Variants in ATP9B observed in about 807,000 individuals in gnomAD.
ATP9B encodes probable phospholipid-transporting ATPase IIB.
Under a neutral mutation model 146.1 loss-of-function variants are expected in ATP9B, and 110 were observed. The observed-to-expected ratio is 0.75, with a 90% CI of 0.65 to 0.88. ATP9B has a LOEUF of 0.88. Among genes scored for constraint, ATP9B ranks in the 40% least tolerant of loss-of-function variants. The pLI is 0.00. For synonymous variants in ATP9B, 604 were observed against 569.7 expected (o/e 1.06, Z -0.86); for missense variants, 1,499 against 1,496.4 (o/e 1.00, Z -0.03).
intron 8 of ATP9B, among the ~76,000 whole-genome samples, chr18:79,190,824 G>A (rs1364121536): frequency 1.3e-5 from 2 of 152,128 alleles, no homozygotes; most frequent in Non-Finnish European, 2.9e-5. Flanking sequence ...GGGATTACAG[G>A]CATGAGCCAC....
At chr18:79,071,045 G>GT (rs1434746480) in intron 1 of ATP9B, among the ~76,000 whole-genome samples, 1 of 76,650 alleles carries the variant, frequency 1.3e-5, no homozygotes, top group Admixed American at 1.1e-4. Context: ...TCTGATTCCT[G>GT]TTTCTTTTTT....
chr18:79,128,427 T>A (rs891545873), intron 5 of ATP9B, among the ~76,000 whole-genome samples: 1 of 152,236 alleles, frequency 6.6e-6, no homozygotes, highest in African/African-American at 2.4e-5. Context: ...CATATTCTTT[T>A]GTATGAATAT....
intron 28 of ATP9B, among the ~76,000 whole-genome samples, chr18:79,374,854 C>T (rs1013068991): frequency 6.6e-6 from 1 of 152,204 alleles, no homozygotes; most frequent in African/African-American, 2.4e-5. Flanking sequence ...TGAATTAACA[C>T]ACTCAAGGAC....
chr18:79,180,255 A>G lies in ATP9B; in HGVS notation c.873+3348A>G, dbSNP rs938979367. Among the ~76,000 whole-genome samples, 35 of 152,078 alleles carry G rather than the reference A, an allele frequency of 2.3e-4. 1 individual carries two copies. Among genetic ancestry groups the G allele is most frequent in the African/African-American group, 8.0e-4 (33 of 41,410 alleles). Reference sequence around the variant, plus strand: ...TTTACAGTAATCGTTAATGTGGTTGAGCGGAAGTCAGTCATTTGACTCTGT... The same window carrying G: ...TTTACAGTAATCGTTAATGTGGTTGGGCGGAAGTCAGTCATTTGACTCTGT... On this transcript the variant is annotated intron_variant, in intron 8 of 29. Transcript: ENST00000426216.
At chr18:79,103,547 T>C (rs765810586) in intron 2 of ATP9B, among the ~76,000 whole-genome samples, 23 of 152,138 alleles carry the variant, frequency 1.5e-4, no homozygotes, top group Admixed American at 9.2e-4. Flanking sequence ...CCATCCTCTT[T>C]GGCATGAGGA....
At position 79,359,380 on chromosome 18, in the gene ATP9B, C is replaced by A; in HGVS notation, c.2930C>A (p.Pro977Gln). 1 of 1,613,900 alleles carries A rather than the reference C, an allele frequency of 6.2e-7. No homozygotes were observed. The highest frequency in any genetic ancestry group is 1.1e-5 in the South Asian group (1 of 91,082). Residue 977 changes from proline (P) to glutamine (Q), a missense_variant, in exon 26 of 30, where the codon CCA (proline) becomes CAA (glutamine). Physicochemically the swap from Pro to Gln is moderately conservative, Grantham distance 76. Transcript: ENST00000426216. ...TATGCCACCATATACACCATGTTCC[C>A]AGTGTTCTCCTTAGTGCTGGACCAG... is the stretch of plus-strand genomic sequence containing the variant. The part of the protein sequence containing the change: ...VGYATIYTMF[P>Q]VFSLVLDQDV...
intron 3 of ATP9B, among the ~76,000 whole-genome samples, chr18:79,111,006 A>G (rs2075971746): frequency 6.6e-6 from 1 of 152,186 alleles, no homozygotes; most frequent in Non-Finnish European, 1.5e-5. Context: ...TCACATTATA[A>G]ATCTCAGACC....
intron 5 of ATP9B, among the ~76,000 whole-genome samples, chr18:79,130,037 C>T (rs1219874413): frequency 8.5e-5 from 13 of 152,048 alleles, no homozygotes; most frequent in African/African-American, 1.4e-4. Context: ...CCACTGCACC[C>T]GGCGTATGTC....
intron 13 of ATP9B, among the ~76,000 whole-genome samples, chr18:79,279,126 G>C (rs1253942719): frequency 6.6e-6 from 1 of 152,192 alleles, no homozygotes; most frequent in African/African-American, 2.4e-5. Context: ...GTGAGAGCAG[G>C]TGACCACCAG....
intron 13 of ATP9B, among the ~76,000 whole-genome samples, 191 bp from the exon 14 acceptor site, chr18:79,303,413 A>C (rs7233974): frequency 0.019 from 2,896 of 151,884 alleles, 103 homozygotes; most frequent in African/African-American, 0.065. Context: ...TGCTAGGGAG[A>C]AAATATCTTG....
At chr18:79,328,998 C>T (rs1263523903) in intron 15 of ATP9B, 143 bp from the exon 16 acceptor site, 5 of 750,102 alleles carry the variant, frequency 6.7e-6, no homozygotes, top group South Asian at 3.1e-5. Context: ...TATACTTAGC[C>T]GTGAAAACAA....
chr18:79,347,442 G>A (rs1415301660), intron 23 of ATP9B, among the ~76,000 whole-genome samples: 3 of 151,948 alleles, frequency 2.0e-5, no homozygotes, highest in Non-Finnish European at 4.4e-5. Flanking sequence ...TCTTCCGACA[G>A]GGCGGGCCCA....
chr18:79,286,691 TG>T lies in ATP9B; in HGVS notation c.1411+9496del, dbSNP rs557834218. 6.3e-3 allele frequency among the ~76,000 whole-genome samples: 961 copies of T among 152,140 alleles called. 3 individuals carry two copies. Among genetic ancestry groups the T allele is most frequent in the African/African-American group, 0.022 (896 of 41,496 alleles). On this transcript the variant is annotated intron_variant, in intron 13 of 29. Transcript: ENST00000426216. ...GTGGTGAGAGAGGGCATCCCTGTCT[TG>T]TGCCAGTTTTCAAAGGGAATGCTTC... is the stretch of plus-strand genomic sequence containing the variant.
Position 79,206,936 on chromosome 18 carries a change from G to A in ATP9B, c.955-1G>A. ...TGTTTTCTTTTTGTCTCCCTGCACA[G>A]GAAGACAGTGACCCGCCCATTCATG... On this transcript the variant is annotated splice_acceptor_variant, in intron 9 of 29. Transcript: ENST00000426216. LOFTEE classifies it high-confidence loss of function. The A allele has an allele frequency of 6.2e-7, 1 of 1,613,836 alleles. No homozygotes were observed. The highest frequency in any genetic ancestry group is 1.1e-5 in the South Asian group (1 of 91,076).
chr18:79,234,815 T>C (rs1275173952), intron 11 of ATP9B, among the ~76,000 whole-genome samples: 1 of 152,230 alleles, frequency 6.6e-6, no homozygotes, highest in Non-Finnish European at 1.5e-5. Flanking sequence ...CAGCTCTATG[T>C]ATAAGATTTC....
chr18:79,299,724 A>C (rs2096577281), intron 13 of ATP9B, among the ~76,000 whole-genome samples: 1 of 152,246 alleles, frequency 6.6e-6, no homozygotes, highest in African/African-American at 2.4e-5. Flanking sequence ...TGGAGAGCTT[A>C]AATCCACTCT....
At chr18:79,161,764 T>C (rs2094885431) in intron 7 of ATP9B, among the ~76,000 whole-genome samples, 1 of 152,144 alleles carries the variant, frequency 6.6e-6, no homozygotes, top group African/African-American at 2.4e-5. Flanking sequence ...GAGAATGGCG[T>C]GAACCCGGGA....
intron 7 of ATP9B, among the ~76,000 whole-genome samples, chr18:79,173,357 A>G (rs966338379): frequency 1.3e-5 from 2 of 150,970 alleles, no homozygotes; most frequent in Admixed American, 6.6e-5. Context: ...TTTTTTTTTA[A>G]TGGGTTGTTC....
At chr18:79,230,865 CTTA>C (rs1462272375) in intron 11 of ATP9B, among the ~76,000 whole-genome samples, 1 of 152,110 alleles carries the variant, frequency 6.6e-6, no homozygotes, top group Non-Finnish European at 1.5e-5. Flanking sequence ...AAGCCAAATA[CTTA>C]TAGTCAACTG....
Sources: allele counts gnomAD v4.1 joint callset (sites outside exome capture counted in the v4.1 genomes callset), GRCh38; gene constraint gnomAD v4.1.1; transcripts MANE v1.5; gene names NCBI Gene and HGNC (gene_info 2026-07-23, HGNC 2026-07-21).